The following PCDHGA3 variants were observed in gnomAD, a reference collection of about 807,000 sequenced individuals.
The protein encoded by PCDHGA3 is protocadherin gamma-A3.
PCDHGA3 carries 40 observed loss-of-function variants against 58.5 expected under a neutral mutation model. That is an observed-to-expected ratio of 0.68 (90% CI 0.53 to 0.89). The LOEUF is 0.89. Ranked by LOEUF, PCDHGA3 falls within the 40% of genes least tolerant of loss-of-function variation. PCDHGA3 has a pLI of 0.00. For missense variants in PCDHGA3, 1,223 were observed against 1,195.9 expected (o/e 1.02, Z -0.33); for synonymous variants, 530 against 525.7 (o/e 1.01, Z -0.11).
Position 141,345,414 on chromosome 5 carries a change from A to C in PCDHGA3, c.1381A>C (p.Ile461Leu). 6.2e-7 allele frequency: 1 copy of C among 1,614,088 alleles called. No individual in the cohort carries two copies. Among genetic ancestry groups the C allele is most frequent in the Non-Finnish European group, 8.5e-7 (1 of 1,180,004 alleles). The change falls in exon 1 of 4, where the codon ATT (isoleucine) becomes CTT (leucine). Residue 461 changes from isoleucine (I) to leucine (L), a missense_variant. Coordinates refer to ENST00000253812, the MANE Select transcript of PCDHGA3 (RefSeq NM_018916.4). ...TFPHLSYSAY[I>L]PENNPRGASI... The stretch of plus-strand genomic sequence containing the variant: ...CCCTCATTTATCCTACTCCGCCTAC[A>C]TTCCAGAAAACAACCCCAGAGGAGC...
At chr5:141,351,586 C>T (rs377147713) in intron 1 of PCDHGA3, 6 of 1,613,936 alleles carry the variant, frequency 3.7e-6, no homozygotes, top group African/African-American at 1.3e-5. Context: ...CCGACATCAA[C>T]GACAATGCAC....
At chr5:141,393,138 C>G (rs2092688516) in intron 1 of PCDHGA3, 1 of 1,613,196 alleles carries the variant, frequency 6.2e-7, no homozygotes, top group Non-Finnish European at 8.5e-7. Flanking sequence ...TATTAACACC[C>G]TGGTTGAGGA....
At chr5:141,423,990 T>A (rs2096793990) in intron 1 of PCDHGA3, 2 of 1,090,000 alleles carry the variant, frequency 1.8e-6, no homozygotes, top group East Asian at 1.1e-4. Flanking sequence ...GCTCTCAATT[T>A]ATTATATATA....
At chr5:141,464,944 G>T (rs1379789566) in intron 1 of PCDHGA3, among the ~76,000 whole-genome samples, 1 of 151,826 alleles carries the variant, frequency 6.6e-6, no homozygotes, top group African/African-American at 2.4e-5. Context: ...GTCTCACTAT[G>T]TTGCCCAGGC....
chr5:141,362,123 T>C (rs1762339716), intron 1 of PCDHGA3: 1 of 1,613,882 alleles, frequency 6.2e-7, no homozygotes, highest in African/African-American at 1.3e-5. Flanking sequence ...CTGCACCTAA[T>C]CTTCGCGGAT....
At chr5:141,422,705 C>A in intron 1 of PCDHGA3, 1 of 1,602,702 alleles carries the variant, frequency 6.2e-7, no homozygotes, top group East Asian at 2.2e-5. Flanking sequence ...TACTCTCTGA[C>A]GGATGACACT....
intron 1 of PCDHGA3, chr5:141,404,805 C>G (rs770534822): frequency 1.3e-5 from 21 of 1,613,960 alleles, no homozygotes; most frequent in Non-Finnish European, 1.8e-5. Context: ...GGGCTCTTCT[C>G]GGTGGGGCTG....
Position 141,491,992 on chromosome 5 carries a change from T to G in PCDHGA3, c.2425-2815T>G. ...GGCCTCCTTCGAGCTTCCGGTGAAT[T>G]TCGGGCGATTTCCGCGGGTGTCGGG... On this transcript the variant is annotated intron_variant, in intron 1 of 3. Transcript: ENST00000253812. This position sits in a 1 kb window ranked among gnomAD's most constrained non-coding sequence, Gnocchi z 6.9. The G allele has an allele frequency of 1.5e-6, 1 of 684,982 alleles. No homozygotes were observed. The highest frequency in any genetic ancestry group is 2.3e-6 in the Non-Finnish European group (1 of 443,370). The allele number at this position is 684,982 out of a possible 1,614,324, so 42.4% of individuals were successfully genotyped here.
intron 1 of PCDHGA3, chr5:141,373,843 C>T (rs1769882527): frequency 2.3e-6 from 1 of 442,614 alleles, no homozygotes; most frequent in Non-Finnish European, 4.0e-6. Flanking sequence ...AGTTAGGACT[C>T]TAAGCGTCGC....
At chr5:141,471,217 T>G (rs2099252724) in intron 1 of PCDHGA3, 1 of 151,568 alleles carries the variant, frequency 6.6e-6, no homozygotes, top group South Asian at 2.1e-4. Context: ...GCCTGGCAAT[T>G]TTTTTGTATT....
intron 1 of PCDHGA3, chr5:141,357,147 TG>T: frequency 6.2e-7 from 1 of 1,613,554 alleles, no homozygotes; most frequent in Non-Finnish European, 8.5e-7. Context: ...TCCAGGACCA[TG>T]GCCAGCCCCC....
At chr5:141,497,745 G>C (rs1475395529) in intron 2 of PCDHGA3, among the ~76,000 whole-genome samples, 1 of 152,070 alleles carries the variant, frequency 6.6e-6, no homozygotes, top group Non-Finnish European at 1.5e-5. Flanking sequence ...CGCCACGTTG[G>C]CCAGGCTGGT....
chr5:141,365,326 G>A (rs376885852), intron 1 of PCDHGA3: 1 of 1,613,980 alleles, frequency 6.2e-7, no homozygotes, highest in African/African-American at 1.3e-5. Flanking sequence ...CCAGCGCTAA[G>A]GTGGTGGTCA....
intron 1 of PCDHGA3, chr5:141,362,423 CAG>C (rs763364016): frequency 6.2e-7 from 1 of 1,614,052 alleles, no homozygotes; most frequent in Admixed American, 1.7e-5. Context: ...TCAGCCAAGA[CAG>C]AGTTCAATTT....
At chr5:141,348,664 A>G (rs1348993454) in intron 1 of PCDHGA3, among the ~76,000 whole-genome samples, 1 of 152,194 alleles carries the variant, frequency 6.6e-6, no homozygotes, top group Non-Finnish European at 1.5e-5. Flanking sequence ...CATTTTCACT[A>G]AAAAGGATTT....
At chr5:141,452,954 T>A (rs1315313825) in intron 1 of PCDHGA3, among the ~76,000 whole-genome samples, 5 of 152,220 alleles carry the variant, frequency 3.3e-5, no homozygotes, top group Non-Finnish European at 1.5e-5. Context: ...ATTGGTTGTC[T>A]TTAAACTGAG....
intron 1 of PCDHGA3, among the ~76,000 whole-genome samples, chr5:141,446,686 C>T (rs574630887): frequency 1.3e-5 from 2 of 152,294 alleles, no homozygotes; most frequent in African/African-American, 4.8e-5. Context: ...CCATATTGGC[C>T]AGGCTGGTCT....
intron 1 of PCDHGA3, among the ~76,000 whole-genome samples, chr5:141,444,152 ATTTTTTTTTTTTTTTTTT>A (rs747671382): frequency 4.1e-4 from 14 of 33,898 alleles, no homozygotes; most frequent in South Asian, 2.1e-3. Flanking sequence ...TGTGTACTGG[ATTTTTTTTTTTTTTTTTT>A]TTTTTTTTTT....
chr5:141,394,104 C>T (rs761567726), intron 1 of PCDHGA3: 1 of 1,613,824 alleles, frequency 6.2e-7, no homozygotes, highest in African/African-American at 1.3e-5. Flanking sequence ...AGGAACACCA[C>T]CTCTGTCCAC....
Sources: gnomAD v4.1 joint callset for allele counts (sites outside exome capture counted in the v4.1 genomes callset) on GRCh38, gnomAD v4.1.1 for gene constraint, Gnocchi (gnomAD v3.1) non-coding constraint, MANE v1.5 for transcripts, NCBI Gene and HGNC (gene_info 2026-07-23, HGNC 2026-07-21) for gene names.